WDFY2: variants seen among roughly 807,000 people sequenced by gnomAD.
The protein encoded by WDFY2 is WD repeat and FYVE domain-containing protein 2.
Under a neutral mutation model 56.4 loss-of-function variants are expected in WDFY2, and 36 were observed. The ratio of observed to expected loss-of-function variants is 0.64; its 90% CI spans 0.49 to 0.84. The LOEUF is 0.84. Among genes scored for constraint, WDFY2 ranks in the 40% least tolerant of loss-of-function variants. The pLI is 0.00. For missense variants in WDFY2, 444 were observed against 512.2 expected (o/e 0.87, Z 1.29); for synonymous variants, 176 against 183.7 (o/e 0.96, Z 0.34).
intron 9 of WDFY2, among the ~76,000 whole-genome samples, chr13:51,756,116 A>T (rs1485135175): frequency 6.6e-6 from 1 of 152,130 alleles, no homozygotes; most frequent in Non-Finnish European, 1.5e-5. Flanking sequence ...GTGGGGTGGT[A>T]TCCCTGTCAG....
At chr13:51,595,161 C>T (rs1425888937) in intron 1 of WDFY2, among the ~76,000 whole-genome samples, 1 of 152,172 alleles carries the variant, frequency 6.6e-6, no homozygotes, top group African/African-American at 2.4e-5. Context: ...TCTCTCTCTT[C>T]ATTTGCTATC....
intron 1 of WDFY2, among the ~76,000 whole-genome samples, chr13:51,655,929 CT>C (rs1056491824): frequency 6.6e-6 from 1 of 151,784 alleles, no homozygotes; most frequent in African/African-American, 2.4e-5. Context: ...TCTAGATTAT[CT>C]AATTGGCTGG....
chr13:51,610,254 T>TTG (rs1425591402), intron 1 of WDFY2, among the ~76,000 whole-genome samples: 5 of 140,108 alleles, frequency 3.6e-5, no homozygotes, highest in Admixed American at 2.1e-4. Flanking sequence ...TTTTTTTTTT[T>TTG]GGGGGGCTAA....
intron 1 of WDFY2, among the ~76,000 whole-genome samples, chr13:51,595,778 A>G (rs1456813307): frequency 1.3e-5 from 2 of 152,204 alleles, no homozygotes; most frequent in Non-Finnish European, 2.9e-5. Context: ...GCATATAGGT[A>G]AAAAATCAAG....
intron 1 of WDFY2, among the ~76,000 whole-genome samples, chr13:51,612,442 C>T (rs1475630136): frequency 6.6e-6 from 1 of 152,192 alleles, no homozygotes; most frequent in African/African-American, 2.4e-5. Flanking sequence ...GAACTTTGAA[C>T]ACTTTCAAAT....
Position 51,667,198 on chromosome 13 carries a change from G to A in WDFY2, c.205+6535G>A, listed in dbSNP as rs117340518. Among the ~76,000 whole-genome samples the A allele has an allele frequency of 2.5e-3, 378 of 152,222 alleles. 3 individuals are homozygous for A. The highest frequency in any genetic ancestry group is 7.8e-3 in the African/African-American group (323 of 41,524). ...TACTGTCATTGCTGATACTTAACCCGGAGTTATTAGGAAAAATTGGCTACT... is the reference window on the plus strand; with the variant it reads ...TACTGTCATTGCTGATACTTAACCCAGAGTTATTAGGAAAAATTGGCTACT... On this transcript the variant is annotated intron_variant, in intron 2 of 11. Transcript: ENST00000298125.
intron 4 of WDFY2, among the ~76,000 whole-genome samples, chr13:51,704,728 C>T (rs1156825567): frequency 1.3e-5 from 2 of 151,920 alleles, no homozygotes; most frequent in Non-Finnish European, 1.5e-5. Context: ...AGCCTTTATT[C>T]TTTAAAACAG....
chr13:51,694,644 G>C (rs939986511), intron 3 of WDFY2, among the ~76,000 whole-genome samples: 21 of 152,170 alleles, frequency 1.4e-4, no homozygotes, highest in Admixed American at 1.1e-3. Flanking sequence ...TTTGGTGAAT[G>C]TGACAATTAT....
At chr13:51,689,728 C>T (rs183283682) in intron 3 of WDFY2, among the ~76,000 whole-genome samples, 1 of 152,018 alleles carries the variant, frequency 6.6e-6, no homozygotes, top group South Asian at 2.1e-4. Context: ...AAACAATGTC[C>T]CATTGTTTGG....
At chr13:51,709,014 G>A (rs1274899303) in intron 4 of WDFY2, among the ~76,000 whole-genome samples, 1 of 152,094 alleles carries the variant, frequency 6.6e-6, no homozygotes, top group Admixed American at 6.5e-5. Context: ...CCCCAAAACT[G>A]ATGAAACTTT....
intron 1 of WDFY2, among the ~76,000 whole-genome samples, chr13:51,598,127 AGGTG>A (rs1238179319): frequency 0.021 from 3,182 of 152,272 alleles, 116 homozygotes; most frequent in African/African-American, 0.072. Flanking sequence ...TGGGAGGCTG[AGGTG>A]GGCAGATCAC....
intron 4 of WDFY2, among the ~76,000 whole-genome samples, chr13:51,705,500 C>CTG (rs1178528103): frequency 3.3e-5 from 5 of 152,066 alleles, no homozygotes; most frequent in African/African-American, 1.2e-4. Context: ...GGGTGAATTT[C>CTG]TGGCAGCCAT....
chr13:51,675,118 T>A, intron 2 of WDFY2, 52 bp from the exon 3 acceptor site: 1 of 1,567,914 alleles, frequency 6.4e-7, no homozygotes, highest in Non-Finnish European at 8.8e-7. Context: ...CACTCCTGAG[T>A]CGATGAGAAT....
At chr13:51,718,541 T>G (rs1952412192) in intron 4 of WDFY2, among the ~76,000 whole-genome samples, 2 of 148,284 alleles carry the variant, frequency 1.3e-5, no homozygotes. Context: ...CTAGGAAATT[T>G]GCTCTTATTA....
intron 1 of WDFY2, among the ~76,000 whole-genome samples, chr13:51,646,560 CT>C (rs1417219874): frequency 2.0e-5 from 3 of 152,132 alleles, no homozygotes; most frequent in African/African-American, 7.2e-5. Context: ...ACTTGTTTTT[CT>C]TTGTGGTTCC....
At chr13:51,624,847 G>T (rs1244734553) in intron 1 of WDFY2, among the ~76,000 whole-genome samples, 6 of 152,218 alleles carry the variant, frequency 3.9e-5, no homozygotes, top group African/African-American at 1.4e-4. Context: ...CAGTGCAAAG[G>T]CAGGAACGTC....
At chr13:51,609,254 A>G (rs1022688076) in intron 1 of WDFY2, among the ~76,000 whole-genome samples, 2 of 152,204 alleles carry the variant, frequency 1.3e-5, no homozygotes, top group African/African-American at 4.8e-5. Flanking sequence ...CCCTCTACTG[A>G]TCACAACTCC....
chr13:51,753,729 C>T (rs913452070), intron 8 of WDFY2, among the ~76,000 whole-genome samples: 2 of 152,114 alleles, frequency 1.3e-5, no homozygotes, highest in South Asian at 2.1e-4. Flanking sequence ...GTCCTGAACA[C>T]GCATGCTTCC....
At chr13:51,648,500 C>A (rs936793325) in intron 1 of WDFY2, among the ~76,000 whole-genome samples, 2 of 152,094 alleles carry the variant, frequency 1.3e-5, no homozygotes, top group Non-Finnish European at 1.5e-5. Flanking sequence ...AATGTGGTTC[C>A]TTCTCTGCTT....
Sources: gnomAD v4.1 joint callset for allele counts (sites outside exome capture counted in the v4.1 genomes callset) on GRCh38, gnomAD v4.1.1 for gene constraint, MANE v1.5 for transcripts, NCBI Gene and HGNC (gene_info 2026-07-23, HGNC 2026-07-21) for gene names.